CCDC91: variants seen among roughly 807,000 people sequenced by gnomAD.
CCDC91 encodes the protein coiled-coil domain containing 91.
Under a neutral mutation model 63.2 loss-of-function variants are expected in CCDC91, and 48 were observed. That is an observed-to-expected ratio of 0.76 (90% confidence interval 0.60 to 0.97). The LOEUF is 0.97. Among genes scored for constraint, CCDC91 ranks in the 50% least tolerant of loss-of-function variants. The pLI is 0.00. For missense variants in CCDC91, 500 were observed against 494.6 expected (o/e 1.01, Z -0.10); for synonymous variants, 167 against 165.8 (o/e 1.01, Z -0.06).
At chr12:28,397,164 A>G (rs1946342912) in intron 8 of CCDC91, among the ~76,000 whole-genome samples, 1 of 152,204 alleles carries the variant, frequency 6.6e-6, no homozygotes, top group Admixed American at 6.5e-5. Context: ...GCAAAGAGAG[A>G]GTTGCTAACA....
Position 28,356,904 on chromosome 12 carries a change from A to T in CCDC91, c.577-5534A>T, listed in dbSNP as rs551620418. Among the ~76,000 whole-genome samples the T allele has an allele frequency of 2.0e-5, 3 of 152,260 alleles. No homozygotes were observed. In the East Asian group the frequency reaches 5.8e-4, roughly 29 times the overall value. On this transcript the variant is annotated intron_variant, in intron 6 of 12. Transcript: ENST00000536442. ...GTTAGTTGATCTTTGGAATTTCTTT[A>T]TCTTTTTAAGATCACTGTAATAATT...
At chr12:28,426,346 C>T (rs950002154) in intron 8 of CCDC91, among the ~76,000 whole-genome samples, 9 of 152,050 alleles carry the variant, frequency 5.9e-5, no homozygotes, top group Admixed American at 2.0e-4. Context: ...ATCTGTGGTT[C>T]AATGTTTGTC....
intron 12 of CCDC91, among the ~76,000 whole-genome samples, chr12:28,486,581 T>A (rs1951737936): frequency 6.6e-6 from 1 of 152,006 alleles, no homozygotes; most frequent in Non-Finnish European, 1.5e-5. Flanking sequence ...ACTTTTTTTG[T>A]CAAAGGGAGT....
At chr12:28,283,055 T>C (rs908706827) in intron 3 of CCDC91, among the ~76,000 whole-genome samples, 4 of 152,138 alleles carry the variant, frequency 2.6e-5, no homozygotes, top group African/African-American at 9.7e-5. Context: ...TCCATTCTGT[T>C]CTATTGGCCT....
chr12:28,297,603 AAAC>A (rs1466897151), intron 3 of CCDC91, among the ~76,000 whole-genome samples: 4 of 151,922 alleles, frequency 2.6e-5, no homozygotes, highest in African/African-American at 4.8e-5. Context: ...GCAAGCAAAC[AAAC>A]AACATACCAA....
At chr12:28,405,235 C>A (rs546380767) in intron 8 of CCDC91, among the ~76,000 whole-genome samples, 2 of 152,126 alleles carry the variant, frequency 1.3e-5, no homozygotes, top group African/African-American at 4.8e-5. Context: ...TTACTAGTAA[C>A]CCATATTCAT....
At chr12:28,485,911 CAAAT>C (rs1466290012) in intron 12 of CCDC91, among the ~76,000 whole-genome samples, 8 of 152,142 alleles carry the variant, frequency 5.3e-5, no homozygotes, top group African/African-American at 1.4e-4. Context: ...ACTTAAGTAT[CAAAT>C]AAATTCAAAG....
chr12:28,337,310 C>T (rs1250400944), intron 6 of CCDC91, among the ~76,000 whole-genome samples: 1 of 152,064 alleles, frequency 6.6e-6, no homozygotes, highest in Admixed American at 6.6e-5. Flanking sequence ...TGATTGAATT[C>T]ATACTGCTCC....
intron 9 of CCDC91, 42 bp from the exon 10 acceptor site, chr12:28,450,304 CAAAT>C (rs1393288961): frequency 6.3e-7 from 1 of 1,583,958 alleles, no homozygotes; most frequent in East Asian, 2.2e-5. Context: ...TCTGTTACCT[CAAAT>C]AATACATTTA....
intron 11 of CCDC91, among the ~76,000 whole-genome samples, chr12:28,470,426 A>T (rs970142399): frequency 6.6e-6 from 1 of 152,170 alleles, no homozygotes; most frequent in Non-Finnish European, 1.5e-5. Flanking sequence ...TCCAGAAGAC[A>T]TGCAAGAACA....
At chr12:28,226,588 G>C (rs1198145950) in intron 1 of CCDC91, among the ~76,000 whole-genome samples, 7 of 152,114 alleles carry the variant, frequency 4.6e-5, no homozygotes, top group Non-Finnish European at 1.0e-4. Context: ...AGAAAATTAT[G>C]ACAATAATAT....
Position 28,307,630 on chromosome 12 carries a change from G to A in CCDC91, c.472-15G>A. ...ATTAAATATTACAAAGCTTGTATTT[G>A]TATTTTTATTTTAGGATGTGGAATC... is the stretch of plus-strand genomic sequence containing the variant. On this transcript the variant is annotated splice_polypyrimidine_tract_variant and intron_variant, in intron 5 of 12. Coordinates refer to ENST00000536442, the MANE Select transcript of CCDC91 (RefSeq NM_018318.5). 1 of 1,309,500 alleles carries A rather than the reference G, an allele frequency of 7.6e-7. No individual in the cohort carries two copies. The highest frequency in any genetic ancestry group is 1.1e-6 in the Non-Finnish European group (1 of 938,404). The allele number at this position is 1,309,500 out of a possible 1,614,324, so 81.1% of individuals were successfully genotyped here.
intron 8 of CCDC91, among the ~76,000 whole-genome samples, chr12:28,427,432 T>C (rs1468397315): frequency 6.6e-6 from 1 of 151,674 alleles, no homozygotes. Context: ...AGGGAGATAC[T>C]GATGGGATTC....
intron 1 of CCDC91, among the ~76,000 whole-genome samples, chr12:28,195,873 G>T (rs1297460314): frequency 6.6e-6 from 1 of 152,180 alleles, no homozygotes; most frequent in African/African-American, 2.4e-5. Flanking sequence ...GGGAGGTCAA[G>T]GTGGGAGGAT....
intron 1 of CCDC91, among the ~76,000 whole-genome samples, chr12:28,250,293 T>G (rs1946037443): frequency 6.6e-6 from 1 of 152,160 alleles, no homozygotes; most frequent in Non-Finnish European, 1.5e-5. Context: ...TTATTAGTAG[T>G]TGGGATGTTT....
At chr12:28,450,012 T>C (rs1458858398) in intron 8 of CCDC91, 149 bp from the exon 9 acceptor site, 2 of 485,554 alleles carry the variant, frequency 4.1e-6, no homozygotes, top group Non-Finnish European at 7.4e-6. Flanking sequence ...AGTGTTTTTT[T>C]CTCCTGAACC....
intron 6 of CCDC91, among the ~76,000 whole-genome samples, chr12:28,352,239 G>A (rs1224425855): frequency 6.6e-6 from 1 of 152,162 alleles, no homozygotes; most frequent in Non-Finnish European, 1.5e-5. Context: ...GATAGCTGCT[G>A]TTGATAAGGG....
intron 8 of CCDC91, among the ~76,000 whole-genome samples, chr12:28,436,047 ATC>A (rs1948887998): frequency 6.6e-6 from 1 of 151,568 alleles, no homozygotes; most frequent in Admixed American, 6.6e-5. Context: ...CACTCTGACA[ATC>A]TCTGTCTTTT....
intron 11 of CCDC91, among the ~76,000 whole-genome samples, chr12:28,478,862 A>C (rs1194133396): frequency 2.0e-5 from 3 of 152,210 alleles, no homozygotes; most frequent in African/African-American, 7.2e-5. Context: ...GCATGAAAAA[A>C]TGCTCATCAT....
Sources: allele counts gnomAD v4.1 joint callset (sites outside exome capture counted in the v4.1 genomes callset), GRCh38; gene constraint gnomAD v4.1.1; transcripts MANE v1.5; gene names NCBI Gene and HGNC (gene_info 2026-07-23, HGNC 2026-07-21).